ARHGAP8: variants seen among roughly 807,000 people sequenced by gnomAD.
ARHGAP8 encodes Rho GTPase activating protein 8.
ARHGAP8 carries 62 observed loss-of-function variants against 46.1 expected under a neutral mutation model. The observed-to-expected ratio is 1.34, with a 90% CI of 1.10 to 1.66. The LOEUF (loss-of-function observed/expected upper bound fraction) is 1.66. ARHGAP8 is among the 40% of genes most tolerant of loss of function. The probability of loss-of-function intolerance (pLI) is 0.00; values close to 1 mark genes in which losing one functional copy is unlikely to be tolerated. For synonymous variants in ARHGAP8, 375 were observed against 243.1 expected (o/e 1.54, Z -5.05); for missense variants, 923 against 568.4 (o/e 1.62, Z -6.34).
chr22:44,823,254 G>A (rs567250966), intron 6 of ARHGAP8, among the ~76,000 whole-genome samples: 1 of 152,302 alleles, frequency 6.6e-6, no homozygotes, highest in South Asian at 2.1e-4. Context: ...AATCAGTGAT[G>A]ACAGGGGCCA....
intron 5 of ARHGAP8, among the ~76,000 whole-genome samples, chr22:44,816,193 G>T (rs1345474851): frequency 6.6e-6 from 1 of 152,078 alleles, no homozygotes; most frequent in Admixed American, 6.6e-5. Flanking sequence ...GCTGACACAG[G>T]TCTCTTCTCG....
chr22:44,853,890 G>A (rs1323195643), intron 10 of ARHGAP8, among the ~76,000 whole-genome samples: 1 of 151,794 alleles, frequency 6.6e-6, no homozygotes, highest in Non-Finnish European at 1.5e-5. Flanking sequence ...AGCCAGGCAT[G>A]GTGGCATGCA....
intron 2 of ARHGAP8, among the ~76,000 whole-genome samples, chr22:44,790,279 C>T (rs1215921015): frequency 6.6e-6 from 1 of 151,980 alleles, no homozygotes; most frequent in Non-Finnish European, 1.5e-5. Context: ...TTTTTAAAAA[C>T]GTCCAGCTGG....
chr22:44,808,304 C>G lies in ARHGAP8; in HGVS notation c.168-3C>G, dbSNP rs755997106. 2 of 1,611,594 alleles carry G rather than the reference C, an allele frequency of 1.2e-6. No homozygotes were observed. The highest frequency in any genetic ancestry group is 1.7e-6 in the Non-Finnish European group (2 of 1,178,436). On this transcript the variant is annotated splice_polypyrimidine_tract_variant and splice_region_variant and intron_variant, in intron 3 of 11. Transcript: ENST00000356099. The stretch of plus-strand genomic sequence containing the variant: ...ATAACTGAATCTTCTGTGTTGTGCC[C>G]AGGTATTTGAAGTACACACTGGACC...
rs111961247 is a variant in ARHGAP8, at chr22:44,862,363, T to C, written c.1070T>C (p.Val357Ala). 2.2e-5 allele frequency: 35 copies of C among 1,614,006 alleles called. No homozygotes were observed. Among genetic ancestry groups the C allele is most frequent in the African/African-American group, 2.1e-4 (16 of 74,978 alleles). Residue 357 changes from valine (V) to alanine (A), a missense_variant, in exon 12 of 12, where the codon GTC becomes GCC. Physicochemically the swap from Val to Ala is moderately conservative, Grantham distance 64. Coordinates refer to ENST00000356099, the MANE Select transcript of ARHGAP8 (RefSeq NM_181335.3). Reference protein sequence around the residue: ...GLNLIWPSQGVSSLSALVPLN... With the variant: ...GLNLIWPSQGASSLSALVPLN... ...AATTTGATCTGGCCATCCCAGGGGG[T>C]CTCCTCCCTGAGTGCCCTTGTGCCC... is the stretch of plus-strand genomic sequence containing the variant.
At chr22:44,845,684 T>C (rs2069936855) in intron 8 of ARHGAP8, among the ~76,000 whole-genome samples, 1 of 152,196 alleles carries the variant, frequency 6.6e-6, no homozygotes, top group African/African-American at 2.4e-5. Context: ...AGTGCTGGTC[T>C]GTAGGAAGCC....
intron 2 of ARHGAP8, among the ~76,000 whole-genome samples, chr22:44,797,091 C>G (rs576716255): frequency 6.6e-6 from 1 of 152,296 alleles, no homozygotes; most frequent in East Asian, 1.9e-4. Flanking sequence ...CTTCTCTCCC[C>G]GGAGCTGAGT....
intron 7 of ARHGAP8, among the ~76,000 whole-genome samples, chr22:44,841,689 C>T (rs557799942): frequency 2.2e-4 from 33 of 152,342 alleles, no homozygotes; most frequent in Non-Finnish European, 3.7e-4. Context: ...CCTCCATGTA[C>T]CTGCATTTTG....
At chr22:44,786,368 T>G in intron 1 of ARHGAP8, 89 bp from the exon 2 acceptor site, 1 of 1,489,032 alleles carries the variant, frequency 6.7e-7, no homozygotes, top group Non-Finnish European at 9.0e-7. Flanking sequence ...CAGAGGTGGG[T>G]GACTGTCTTA....
intron 11 of ARHGAP8, among the ~76,000 whole-genome samples, chr22:44,860,630 C>T (rs2070430536): frequency 2.5e-5 from 2 of 80,066 alleles, no homozygotes; most frequent in South Asian, 3.8e-4. Context: ...GGCCACCATT[C>T]AATCTACTAC....
intron 10 of ARHGAP8, among the ~76,000 whole-genome samples, chr22:44,856,553 C>T (rs924497953): frequency 3.4e-5 from 5 of 148,838 alleles, no homozygotes; most frequent in South Asian, 4.2e-4. Context: ...GGATTAAAGG[C>T]GTGAGCCACC....
chr22:44,839,881 C>T (rs1367523982), intron 7 of ARHGAP8, among the ~76,000 whole-genome samples: 4 of 152,220 alleles, frequency 2.6e-5, no homozygotes, highest in African/African-American at 9.6e-5. Flanking sequence ...CTCGGCCAGG[C>T]GAGTTTGCCC....
At chr22:44,844,704 C>G (rs753216606) in intron 7 of ARHGAP8, among the ~76,000 whole-genome samples, 1 of 152,188 alleles carries the variant, frequency 6.6e-6, no homozygotes, top group Non-Finnish European at 1.5e-5. Context: ...CTCAAGTGAT[C>G]CGCCTGCCTT....
chr22:44,819,794 A>G (rs911929668), intron 5 of ARHGAP8, among the ~76,000 whole-genome samples: 1 of 152,176 alleles, frequency 6.6e-6, no homozygotes, highest in African/African-American at 2.4e-5. Context: ...CATTTTCCCC[A>G]TTCCAAAGAA....
chr22:44,812,292 G>A (rs1929389511), intron 4 of ARHGAP8, among the ~76,000 whole-genome samples: 1 of 151,580 alleles, frequency 6.6e-6, no homozygotes, highest in South Asian at 2.1e-4. Flanking sequence ...GGCTCCTGGA[G>A]ACTCTGGAAG....
At chr22:44,798,220 C>T (rs1928236085) in intron 2 of ARHGAP8, among the ~76,000 whole-genome samples, 2 of 149,428 alleles carry the variant, frequency 1.3e-5, no homozygotes, top group African/African-American at 5.0e-5. Flanking sequence ...GGGTGATCCA[C>T]CCACCTCGGC....
Position 44,859,836 on chromosome 22 carries a change from T to C in ARHGAP8, c.981+2T>C, listed in dbSNP as rs1271052594. 1 of 1,613,138 alleles carries C rather than the reference T, an allele frequency of 6.2e-7. No individual in the cohort carries two copies. Among genetic ancestry groups the C allele is most frequent in the East Asian group, 2.2e-5 (1 of 44,856 alleles). On this transcript the variant is annotated splice_donor_variant, in intron 11 of 11. Coordinates refer to ENST00000356099, the MANE Select transcript of ARHGAP8 (RefSeq NM_181335.3). LOFTEE classifies it high-confidence loss of function. ...TACCTCATGGGCTTCCTGCATGCGG[T>C]GAGTGGGGAAGGGGGGAGCTTGGGG...
intron 10 of ARHGAP8, among the ~76,000 whole-genome samples, chr22:44,858,260 T>G (rs774963212): frequency 1.3e-5 from 2 of 152,162 alleles, no homozygotes; most frequent in Non-Finnish European, 2.9e-5. Context: ...TTGGAGGATG[T>G]GGGTACACAG....
intron 1 of ARHGAP8, among the ~76,000 whole-genome samples, chr22:44,783,522 A>G (rs562060930): frequency 1.3e-5 from 2 of 152,058 alleles, no homozygotes; most frequent in Non-Finnish European, 2.9e-5. Context: ...GCTCTGTCAC[A>G]CTTGGGGTGA....
Sources: gnomAD v4.1 joint callset for allele counts (sites outside exome capture counted in the v4.1 genomes callset) on GRCh38, gnomAD v4.1.1 for gene constraint, MANE v1.5 for transcripts, NCBI Gene and HGNC (gene_info 2026-07-23, HGNC 2026-07-21) for gene names.